Variants in EHF observed in about 807,000 individuals in gnomAD.
EHF encodes ESE3 transcription factor.
A neutral mutation model predicts 45.1 loss-of-function variants in EHF; 14 were observed. That is an observed-to-expected ratio of 0.31 (90% CI 0.21 to 0.49). The LOEUF (loss-of-function observed/expected upper bound fraction) is 0.49, where lower values mean the gene tolerates loss of function less well. EHF is among the 20% of genes least tolerant of loss of function. The pLI is 0.99. For synonymous variants in EHF, 136 were observed against 131.8 expected (o/e 1.03, Z -0.22); for missense variants, 282 against 371.4 (o/e 0.76, Z 1.98).
At chr11:34,638,301 C>T (rs1384152284) in intron 1 of EHF, among the ~76,000 whole-genome samples, 1 of 152,204 alleles carries the variant, frequency 6.6e-6, no homozygotes, top group African/African-American at 2.4e-5. Context: ...CCCCAGAATA[C>T]ATACCACCTG....
chr11:34,650,253 G>A (rs1220918382), intron 4 of EHF, among the ~76,000 whole-genome samples: 1 of 152,218 alleles, frequency 6.6e-6, no homozygotes, highest in Non-Finnish European at 1.5e-5. Flanking sequence ...GAAAAGCTGA[G>A]TGGAAGGGTG....
chr11:34,624,099 T>C (rs1852168334), intron 1 of EHF, among the ~76,000 whole-genome samples: 1 of 152,212 alleles, frequency 6.6e-6, no homozygotes, highest in Non-Finnish European at 1.5e-5. Context: ...ATCTAAAGCT[T>C]GAACCTGATT....
At chr11:34,629,252 C>G (rs1648343354) in intron 1 of EHF, among the ~76,000 whole-genome samples, 1 of 152,098 alleles carries the variant, frequency 6.6e-6, no homozygotes, top group Non-Finnish European at 1.5e-5. Flanking sequence ...GGATTTAATC[C>G]CTTGAAAAAC....
intron 1 of EHF, among the ~76,000 whole-genome samples, chr11:34,635,291 G>A (rs150773756): frequency 2.2e-4 from 33 of 152,088 alleles, no homozygotes; most frequent in African/African-American, 6.3e-4. Flanking sequence ...ATTTAAGAAG[G>A]GAGGCCAGTG....
At chr11:34,654,238 C>G (rs1028559099) in intron 6 of EHF, among the ~76,000 whole-genome samples, 2 of 152,238 alleles carry the variant, frequency 1.3e-5, no homozygotes, top group Admixed American at 6.5e-5. Flanking sequence ...GGACCTTGGC[C>G]TGGAGTGCCT....
intron 6 of EHF, among the ~76,000 whole-genome samples, chr11:34,655,401 A>G (rs1044266652): frequency 6.6e-6 from 1 of 152,234 alleles, no homozygotes; most frequent in Non-Finnish European, 1.5e-5. Flanking sequence ...GCATTACAGA[A>G]GTGAACCTGA....
rs371284215 is a variant in EHF, at chr11:34,646,576, G to A, written c.235G>A (p.Asp79Asn). 15 of 1,613,498 alleles carry A rather than the reference G, an allele frequency of 9.3e-6. No homozygotes were observed. The highest frequency in any genetic ancestry group is 4.5e-5 in the East Asian group (2 of 44,896). The change falls in exon 3 of 9, where the codon GAC (aspartate) becomes AAC (asparagine). Residue 79 changes from aspartate (D) to asparagine (N), a missense_variant. Physicochemically the swap from Asp to Asn is conservative, Grantham distance 23. Transcript: ENST00000257831. ...CAATTGTATCCCTTTCCAAGAGTTC[G>A]ACATCAACGGCGAGCACCTCTGCAG... ...DANCIPFQEF[D>N]INGEHLCSMS...
chr11:34,647,733 C>T (rs1854712781), intron 3 of EHF, among the ~76,000 whole-genome samples: 1 of 152,208 alleles, frequency 6.6e-6, no homozygotes, highest in South Asian at 2.1e-4. Flanking sequence ...GGCCTTGCAG[C>T]AGAGCTTGTG....
In EHF at chr11:34,661,869, A is replaced by G. The variant is rs979717226; in HGVS notation, c.*2938A>G. ...AAGGGCTCTCTCTTATTAGGTTTTC[A>G]TGGGAACATGAGGCAGCAAATCTAT... On this transcript the variant is annotated 3_prime_UTR_variant, in exon 9 of 9. Coordinates refer to ENST00000257831, the MANE Select transcript of EHF (RefSeq NM_012153.6). 6.6e-6 allele frequency among the ~76,000 whole-genome samples: 1 copy of G among 152,114 alleles called. No individual in the cohort carries two copies.
chr11:34,658,421 G>A, intron 7 of EHF, 112 bp from the exon 8 acceptor site: 2 of 838,248 alleles, frequency 2.4e-6, no homozygotes, highest in Non-Finnish European at 3.8e-6. Context: ...CTGACAAGTA[G>A]GGGAGAAATG....
At chr11:34,639,951 G>A (rs1389508286) in intron 1 of EHF, among the ~76,000 whole-genome samples, 2 of 152,202 alleles carry the variant, frequency 1.3e-5, no homozygotes, top group South Asian at 2.1e-4. Flanking sequence ...CGGCCCTGAG[G>A]AGAGGGGCTT....
At chr11:34,621,925 GT>G (rs2133951811) in intron 1 of EHF, 1 of 152,326 alleles carries the variant, frequency 6.6e-6, no homozygotes, top group African/African-American at 2.4e-5. Context: ...CTAACCCTTT[GT>G]TTACTCCATT....
intron 1 of EHF, among the ~76,000 whole-genome samples, chr11:34,638,981 T>C (rs1339484692): frequency 1.3e-5 from 2 of 152,224 alleles, no homozygotes; most frequent in Non-Finnish European, 2.9e-5. Context: ...ATGGGGGACA[T>C]GTTTGCCAGG....
Position 34,659,054 on chromosome 11 carries a change from G to A in EHF, c.*123G>A. 5 of 682,066 alleles carry A rather than the reference G, an allele frequency of 7.3e-6. No individual in the cohort carries two copies. The South Asian group carries it at 9.0e-5, about 12-fold the overall frequency. 42.3% of individuals were successfully genotyped at this position (682,066 alleles called of 1,614,324 possible). ...TATTTATGTACCATGAGGGGAACAA[G>A]AAACTACTTCTAACGGGAAGAAGAA... On this transcript the variant is annotated 3_prime_UTR_variant, in exon 9 of 9. Transcript: ENST00000257831.
chr11:34,657,714 A>C (rs929065647), intron 7 of EHF, among the ~76,000 whole-genome samples: 7 of 151,822 alleles, frequency 4.6e-5, no homozygotes, highest in African/African-American at 1.7e-4. Flanking sequence ...TGCTTGAGCC[A>C]GGGAGGTCTA....
chr11:34,637,489 G>C (rs1853558328), intron 1 of EHF, among the ~76,000 whole-genome samples: 1 of 152,200 alleles, frequency 6.6e-6, no homozygotes, highest in Admixed American at 6.5e-5. Context: ...TCTCAGGCTG[G>C]TCATTTAGCA....
intron 3 of EHF, among the ~76,000 whole-genome samples, chr11:34,647,238 T>C (rs746498885): frequency 1.3e-5 from 2 of 152,078 alleles, no homozygotes; most frequent in Non-Finnish European, 2.9e-5. Context: ...AAAAGGTCTG[T>C]AACTTAAAAA....
At position 34,643,158 on chromosome 11, in the gene EHF, C is replaced by T. The variant is rs976114769; in HGVS notation, c.97+431C>T. 5.9e-5 allele frequency among the ~76,000 whole-genome samples: 9 copies of T among 151,548 alleles called. No individual in the cohort carries two copies. In the East Asian group the frequency reaches 9.7e-4, roughly 16 times the overall value. ...TATAGCAGTTCAATCTTTCTTTTTTCGTCTTCCAGTGGCCTCTCTTTGCAA... is the reference window on the plus strand; with the variant it reads ...TATAGCAGTTCAATCTTTCTTTTTTTGTCTTCCAGTGGCCTCTCTTTGCAA... On this transcript the variant is annotated intron_variant, in intron 2 of 8. Transcript: ENST00000257831.
rs1854870057 is a variant in EHF, at chr11:34,649,033, G to A, written c.358G>A (p.Asp120Asn). The A allele has an allele frequency of 6.2e-7, 1 of 1,613,960 alleles. No individual in the cohort carries two copies. The highest frequency in any genetic ancestry group is 1.1e-5 in the South Asian group (1 of 91,044). Residue 120 changes from aspartate to asparagine, a missense_variant, in exon 4 of 9, where the codon GAC becomes AAC. Physicochemically the swap from Asp to Asn is conservative, Grantham distance 23 (BLOSUM62 1). Around this residue, in one of 3 missense-constraint regions of EHF, gnomAD observed 213 missense variants for 247.3 expected, o/e 0.86. Coordinates refer to ENST00000257831, the MANE Select transcript of EHF (RefSeq NM_012153.6). Reference protein sequence around the residue: ...HLKWNGQCSSDLFQSTHNVIV... With the variant: ...HLKWNGQCSSNLFQSTHNVIV... ...GTCCTTCACAGGCCAGTGCAGTAGT[G>A]ACCTGTTCCAGTCCACACACAATGT...
Sources: gnomAD v4.1 joint callset for allele counts (sites outside exome capture counted in the v4.1 genomes callset) on GRCh38, gnomAD v4.1.1 for gene constraint, gnomAD v4.1.1 regional missense constraint, MANE v1.5 for transcripts, NCBI Gene and HGNC (gene_info 2026-07-23, HGNC 2026-07-21) for gene names.